STXBP5: variants seen among roughly 807,000 people sequenced by gnomAD.
STXBP5 encodes syntaxin-binding protein 5.
STXBP5 carries 50 observed loss-of-function variants against 152.4 expected under a neutral mutation model. That is an observed-to-expected ratio of 0.33 (90% CI 0.26 to 0.42). The LOEUF is 0.42. Among genes scored for constraint, STXBP5 ranks in the 10% least tolerant of loss-of-function variants. STXBP5 has a pLI of 1.00. For missense variants in STXBP5, 1,167 were observed against 1,388.6 expected (o/e 0.84, Z 2.54); for synonymous variants, 492 against 494.7 (o/e 0.99, Z 0.07).
chr6:147,253,901 A>T (rs1779226392), intron 4 of STXBP5, among the ~76,000 whole-genome samples: 1 of 152,228 alleles, frequency 6.6e-6, no homozygotes, highest in Non-Finnish European at 1.5e-5. Context: ...TGCTATCCCC[A>T]TCGAGCTACC....
At chr6:147,287,840 A>G (rs1003879623) in intron 8 of STXBP5, among the ~76,000 whole-genome samples, 2 of 152,188 alleles carry the variant, frequency 1.3e-5, no homozygotes, top group African/African-American at 2.4e-5. Context: ...TTTCTAATAA[A>G]TGTTCTCAAA....
intron 2 of STXBP5, among the ~76,000 whole-genome samples, chr6:147,209,700 G>T (rs1456391321): frequency 6.6e-6 from 1 of 152,058 alleles, no homozygotes; most frequent in African/African-American, 2.4e-5. Context: ...AATTATTTGG[G>T]GCTCTACTGA....
chr6:147,225,003 G>A (rs928730479), intron 2 of STXBP5, among the ~76,000 whole-genome samples: 2 of 152,132 alleles, frequency 1.3e-5, no homozygotes, highest in African/African-American at 4.8e-5. Flanking sequence ...ATTCAGAGTA[G>A]CAACATTTTG....
At chr6:147,319,828 CTTT>C (rs55948948) in intron 16 of STXBP5, among the ~76,000 whole-genome samples, 1,853 of 71,622 alleles carry the variant, frequency 0.026, 45 homozygotes, top group African/African-American at 0.094. Context: ...TATCTGGATT[CTTT>C]TTTTTTTTTT....
intron 9 of STXBP5, among the ~76,000 whole-genome samples, chr6:147,299,337 CA>C (rs1376940927): frequency 1.3e-5 from 2 of 151,198 alleles, no homozygotes; most frequent in African/African-American, 2.4e-5. Flanking sequence ...AGACCAATAA[CA>C]AGCGAGGGAA....
At chr6:147,263,342 CTTTTTTTTT>C (rs1029110765) in intron 6 of STXBP5, among the ~76,000 whole-genome samples, 13 of 128,828 alleles carry the variant, frequency 1.0e-4, no homozygotes, top group Non-Finnish European at 3.4e-5. Context: ...TTCTTTCTTT[CTTTTTTTTT>C]TTTTTTTTTT....
intron 16 of STXBP5, 64 bp from the exon 17 acceptor site, chr6:147,324,895 T>C (rs1482388397): frequency 4.5e-6 from 6 of 1,324,262 alleles, no homozygotes; most frequent in East Asian, 2.7e-5. Flanking sequence ...TAAAAAGTTA[T>C]TTATAATCAT....
At chr6:147,324,877 G>A (rs958500022) in intron 16 of STXBP5, 82 bp from the exon 17 acceptor site, 13 of 1,217,204 alleles carry the variant, frequency 1.1e-5, no homozygotes, top group Admixed American at 6.0e-5. Flanking sequence ...ATCTAGTATC[G>A]TTTCATATAA....
chr6:147,366,951 T>TA (rs1489462476), intron 25 of STXBP5, among the ~76,000 whole-genome samples: 1 of 152,182 alleles, frequency 6.6e-6, no homozygotes, highest in East Asian at 1.9e-4. Context: ...TCCAGTCAGT[T>TA]ACCAGGCATG....
At chr6:147,320,009 T>C (rs530578655) in intron 16 of STXBP5, among the ~76,000 whole-genome samples, 1 of 151,606 alleles carries the variant, frequency 6.6e-6, no homozygotes, top group Non-Finnish European at 1.5e-5. Context: ...GCCCAGCTAA[T>C]TTTGTAGTTT....
intron 16 of STXBP5, among the ~76,000 whole-genome samples, chr6:147,320,093 C>T (rs964436418): frequency 3.3e-5 from 5 of 151,946 alleles, no homozygotes; most frequent in African/African-American, 9.7e-5. Context: ...GCCTCGGCCT[C>T]CCAAAGTGCT....
chr6:147,287,194 ATTTTTTTTTT>A (rs11370591), intron 8 of STXBP5, among the ~76,000 whole-genome samples: 1 of 75,256 alleles, frequency 1.3e-5, no homozygotes, highest in South Asian at 5.3e-4. Context: ...TTAATTGTAC[ATTTTTTTTTT>A]TTTTTTTTTT....
At chr6:147,346,011 A>T (rs947173335) in intron 21 of STXBP5, among the ~76,000 whole-genome samples, 2 of 152,218 alleles carry the variant, frequency 1.3e-5, no homozygotes, top group African/African-American at 4.8e-5. Context: ...AGTTTTCCTC[A>T]GACTGAAGAA....
Position 147,390,200 on chromosome 6 carries a change from A to T in STXBP5, c.*5445A>T, listed in dbSNP as rs190419347. On this transcript the variant is annotated 3_prime_UTR_variant, in exon 28 of 28. Coordinates refer to ENST00000321680, the MANE Select transcript of STXBP5 (RefSeq NM_001127715.4). ...AAATCTGTGTATTGTTTCATCTAAA[A>T]AGAAAAGCACTATTGGAAACACTAA... The T allele has an allele frequency of 6.6e-6, 1 of 152,182 alleles. No homozygotes were observed. The highest frequency in any genetic ancestry group is 1.5e-5 in the Non-Finnish European group (1 of 67,964). 9.4% of individuals were successfully genotyped at this position (152,182 alleles called of 1,614,324 possible).
At chr6:147,216,282 C>T (rs1180409337) in intron 2 of STXBP5, among the ~76,000 whole-genome samples, 1 of 152,054 alleles carries the variant, frequency 6.6e-6, no homozygotes, top group African/African-American at 2.4e-5. Context: ...ATCCCAGCTA[C>T]TTGGGAGGCT....
At chr6:147,299,617 C>T (rs572775396) in intron 9 of STXBP5, among the ~76,000 whole-genome samples, 2 of 152,130 alleles carry the variant, frequency 1.3e-5, no homozygotes, top group South Asian at 4.1e-4. Context: ...TACCAAAACC[C>T]AGTAACACAC....
intron 21 of STXBP5, among the ~76,000 whole-genome samples, chr6:147,350,608 T>C (rs747532134): frequency 6.6e-6 from 1 of 152,200 alleles, no homozygotes; most frequent in Admixed American, 6.5e-5. Flanking sequence ...CATTGCATTC[T>C]ATACTTTTGT....
In STXBP5 at chr6:147,267,077, A is replaced by T; in HGVS notation, c.631-7A>T. 6.2e-7 allele frequency: 1 copy of T among 1,604,656 alleles called. No individual in the cohort carries two copies. Among genetic ancestry groups the T allele is most frequent in the Non-Finnish European group, 8.5e-7 (1 of 1,177,354 alleles). On this transcript the variant is annotated splice_polypyrimidine_tract_variant and splice_region_variant and intron_variant, in intron 6 of 27. Coordinates refer to ENST00000321680, the MANE Select transcript of STXBP5 (RefSeq NM_001127715.4). ...CCTAGGTAATGTGCCTTTTTCTTTT[A>T]TCACAGCTTTTGATTGGCTTTGAAT... is the stretch of plus-strand genomic sequence containing the variant.
chr6:147,347,760 A>T (rs1784402100), intron 21 of STXBP5, among the ~76,000 whole-genome samples: 1 of 152,028 alleles, frequency 6.6e-6, no homozygotes, highest in South Asian at 2.1e-4. Context: ...ATCTTGTAAT[A>T]AAAAAAAGTT....
Sources: gnomAD v4.1 joint callset for allele counts (sites outside exome capture counted in the v4.1 genomes callset) on GRCh38, gnomAD v4.1.1 for gene constraint, MANE v1.5 for transcripts, NCBI Gene and HGNC (gene_info 2026-07-23, HGNC 2026-07-21) for gene names.